Variants in ANXA4 observed in about 807,000 individuals in gnomAD.
The protein encoded by ANXA4 is annexin A4.
ANXA4 carries 39 observed loss-of-function variants against 49.8 expected under a neutral mutation model. The observed-to-expected ratio is 0.78, with a 90% CI of 0.61 to 1.02. The LOEUF is 1.02. Ranked by LOEUF, ANXA4 falls within the 50% of genes least tolerant of loss-of-function variation. ANXA4 has a pLI of 0.00. For synonymous variants in ANXA4, 134 were observed against 152.5 expected, an observed-to-expected ratio of 0.88 and a Z score of 0.89; for missense variants, 360 against 410.1, an observed-to-expected ratio of 0.88 and a Z score of 1.05.
At chr2:69,810,772 A>G (rs1673670577) in intron 7 of ANXA4, 99 bp downstream of exon 7, 2 of 924,996 alleles carry the variant, frequency 2.2e-6, no homozygotes, top group Non-Finnish European at 3.5e-6. Context: ...ACATGTGGAT[A>G]TTCCCCAGGT....
chr2:69,726,669 G>A (rs1669970842), intron 3 of ANXA4, among the ~76,000 whole-genome samples: 1 of 152,120 alleles, frequency 6.6e-6, no homozygotes, highest in African/African-American at 2.4e-5. Context: ...CACCCCAAGG[G>A]TAACCATTAT....
chr2:69,816,898 G>A (rs1334682000), intron 9 of ANXA4: 2 of 152,042 alleles, frequency 1.3e-5, no homozygotes, highest in Admixed American at 1.3e-4. Context: ...ACACTGATTT[G>A]CAAAGCTTGT....
chr2:69,810,604 G>C lies in ANXA4; in HGVS notation c.408G>C (p.Arg136=), dbSNP rs756671832. ...ISQTYQQQYG[R]SLEDDIRSDT... is the part of the protein sequence containing the mutation. ...TCACTCTCTTGCTAGAATATGGACG[G>C]AGCCTTGAAGATGACATTCGCTCTG... The change falls in exon 7 of 13, where the codon CGG becomes CGC. Residue 136 remains arginine, a synonymous_variant. Coordinates refer to ENST00000394295, the MANE Select transcript of ANXA4 (RefSeq NM_001153.5). 2.5e-6 allele frequency: 4 copies of C among 1,613,992 alleles called. No homozygotes were observed. The South Asian group carries it at 4.4e-5, about 18-fold the overall frequency.
At chr2:69,820,654 AC>A in intron 11 of ANXA4, 44 bp from the exon 12 acceptor site, 1 of 1,608,314 alleles carries the variant, frequency 6.2e-7, no homozygotes, top group Non-Finnish European at 8.5e-7. Flanking sequence ...ACACTGAAAA[AC>A]AGCTAGGTTT....
At chr2:69,706,292 CTTTTTTTTT>C (rs916740716) in intron 2 of ANXA4, among the ~76,000 whole-genome samples, 4 of 59,288 alleles carry the variant, frequency 6.7e-5, no homozygotes, top group East Asian at 5.8e-4. Flanking sequence ...GGTACAATTC[CTTTTTTTTT>C]TTTTTTTTTT....
intron 2 of ANXA4, among the ~76,000 whole-genome samples, chr2:69,659,795 G>A (rs1471181416): frequency 2.0e-5 from 3 of 152,166 alleles, no homozygotes; most frequent in African/African-American, 7.2e-5. Context: ...TGAGTTTGCA[G>A]GTGACAGAAA....
At chr2:69,740,944 G>T (rs1257013213), upstream of ANXA4, among the ~76,000 whole-genome samples, 4 of 148,286 alleles carry the variant, frequency 2.7e-5, no homozygotes, top group Non-Finnish European at 5.9e-5. Flanking sequence ...CACTTGCCCT[G>T]GCCTCCCAAA....
intron 2 of ANXA4, among the ~76,000 whole-genome samples, chr2:69,684,519 C>CA (rs1677711922): frequency 6.7e-6 from 1 of 148,364 alleles, no homozygotes; most frequent in Admixed American, 6.6e-5. Context: ...CCCATCTCTA[C>CA]AAAAAATACA....
intron 9 of ANXA4, chr2:69,818,343 A>T: frequency 4.0e-6 from 1 of 250,172 alleles, no homozygotes; most frequent in Non-Finnish European, 7.6e-6. Flanking sequence ...TCTCCATTTT[A>T]TGTGTGAGGG....
chr2:69,788,074 C>A lies in ANXA4; in HGVS notation c.30C>A (p.Val10=). 6.2e-7 allele frequency: 1 copy of A among 1,613,940 alleles called. No homozygotes were observed. Among genetic ancestry groups the A allele is most frequent in the South Asian group, 1.1e-5 (1 of 91,052 alleles). The change falls in exon 3 of 13, where the codon GTC becomes GTA. Residue 10 remains valine (V), a synonymous_variant. Coordinates refer to ENST00000394295, the MANE Select transcript of ANXA4 (RefSeq NM_001153.5). MAMATKGGT[V]KAASGFNAME... Reference sequence around the variant, plus strand: ...CTCAGGCAACCAAAGGAGGTACTGTCAAAGCTGCTTCAGGATTCAATGCCA... The same window carrying A: ...CTCAGGCAACCAAAGGAGGTACTGTAAAAGCTGCTTCAGGATTCAATGCCA...
intron 1 of ANXA4, among the ~76,000 whole-genome samples, 181 bp downstream of exon 1, chr2:69,742,356 C>T: frequency 6.6e-6 from 1 of 152,108 alleles, no homozygotes; most frequent in Admixed American, 6.5e-5. Context: ...GCCCTGGACT[C>T]GCTCCGGGTG....
At chr2:69,791,325 C>T (rs1373325342) in intron 3 of ANXA4, among the ~76,000 whole-genome samples, 2 of 152,152 alleles carry the variant, frequency 1.3e-5, no homozygotes, top group Non-Finnish European at 2.9e-5. Context: ...GGAAATATAC[C>T]CTTCTAGTCA....
At chr2:69,674,338 T>G (rs1204657349) in intron 2 of ANXA4, 1 of 152,218 alleles carries the variant, frequency 6.6e-6, no homozygotes, top group Non-Finnish European at 1.5e-5. Flanking sequence ...TAGATTCTGC[T>G]GTTTTTTTCC....
intron 1 of ANXA4, among the ~76,000 whole-genome samples, chr2:69,647,424 T>TTTATTTC (rs1559035043): frequency 8.6e-5 from 9 of 104,250 alleles, no homozygotes; most frequent in African/African-American, 3.3e-4. Context: ...TTATTTATTT[T>TTTATTTC]TTGAGACAGA....
At chr2:69,739,728 C>T (rs1670337524), upstream of ANXA4, among the ~76,000 whole-genome samples, 1 of 152,104 alleles carries the variant, frequency 6.6e-6, no homozygotes, top group South Asian at 2.1e-4. Context: ...CCAGCCCTAT[C>T]TTTAATTTAA....
intron 3 of ANXA4, among the ~76,000 whole-genome samples, chr2:69,725,013 C>G (rs1473588697): frequency 6.6e-6 from 1 of 152,206 alleles, no homozygotes; most frequent in Non-Finnish European, 1.5e-5. Flanking sequence ...TCATGGCACT[C>G]GTCAAGTTCA....
upstream of ANXA4, among the ~76,000 whole-genome samples, chr2:69,739,844 G>A (rs1670339821): frequency 6.6e-6 from 1 of 152,142 alleles, no homozygotes; most frequent in Non-Finnish European, 1.5e-5. Context: ...TGCAAGTGCT[G>A]TAGTGAGGGT....
At chr2:69,745,137 AG>A (rs1670558803) in intron 1 of ANXA4, among the ~76,000 whole-genome samples, 1 of 152,130 alleles carries the variant, frequency 6.6e-6, no homozygotes, top group African/African-American at 2.4e-5. Context: ...AGTGAGTGTG[AG>A]GGGTGCATGC....
At chr2:69,806,065 T>C (rs1486063803) in intron 4 of ANXA4, among the ~76,000 whole-genome samples, 3 of 152,216 alleles carry the variant, frequency 2.0e-5, no homozygotes, top group African/African-American at 7.2e-5. Flanking sequence ...TTCAATTTGT[T>C]ATGATATGTG....
Sources: gnomAD v4.1 joint callset for allele counts (sites outside exome capture counted in the v4.1 genomes callset) on GRCh38, gnomAD v4.1.1 for gene constraint, MANE v1.5 for transcripts, NCBI Gene and HGNC (gene_info 2026-07-23, HGNC 2026-07-21) for gene names.